Variants in CLVS1 observed in about 807,000 individuals in gnomAD.
The protein encoded by CLVS1 is clavesin 1.
Under a neutral mutation model 33.1 loss-of-function variants are expected in CLVS1, and 10 were observed. That is an observed-to-expected ratio of 0.30 (90% confidence interval 0.19 to 0.51). The LOEUF is 0.51. CLVS1 is among the 20% of genes least tolerant of loss of function. The probability of loss-of-function intolerance (pLI) is 0.97; values close to 1 mark genes in which losing one functional copy is unlikely to be tolerated. For missense variants in CLVS1, 343 were observed against 433.4 expected (o/e 0.79, Z 1.85); for synonymous variants, 163 against 166.1 (o/e 0.98, Z 0.14).
At chr8:61,048,356 C>A in the CLVS1 span, among the ~76,000 whole-genome samples, 1 of 152,268 alleles carries the variant, frequency 6.6e-6, no homozygotes, top group East Asian at 1.9e-4. Context: ...CTTGTAAGCT[C>A]CTTAAGAATC....
intron 2 of CLVS1, among the ~76,000 whole-genome samples, chr8:61,333,622 G>A (rs867593363): frequency 1.3e-5 from 2 of 152,158 alleles, no homozygotes; most frequent in South Asian, 2.1e-4. Context: ...AGCAAGTAGA[G>A]GACAGGAAAT....
At chr8:61,142,466 A>G (rs892441085) in intron 2 of CLVS1, among the ~76,000 whole-genome samples, 18 of 152,216 alleles carry the variant, frequency 1.2e-4, no homozygotes, top group Non-Finnish European at 5.9e-5. Flanking sequence ...TGGCCTTGCC[A>G]TGAGTAAGTG....
chr8:60,967,462 A>G, the CLVS1 span: 12 of 333,478 alleles, frequency 3.6e-5, no homozygotes, highest in Admixed American at 2.1e-4. Context: ...CGGAAGCCGC[A>G]TAGAGACATA....
intron 5 of CLVS1, among the ~76,000 whole-genome samples, chr8:61,466,000 T>G (rs1290456031): frequency 2.0e-5 from 3 of 152,194 alleles, no homozygotes; most frequent in African/African-American, 7.2e-5. Context: ...GAAGTCCACT[T>G]CTTTGCTCCC....
chr8:61,155,654 C>T (rs1051764583), intron 2 of CLVS1, among the ~76,000 whole-genome samples: 8 of 152,022 alleles, frequency 5.3e-5, no homozygotes, highest in African/African-American at 1.5e-4. Context: ...CCTATTTAGA[C>T]GGGCTGCAAA....
intron 2 of CLVS1, among the ~76,000 whole-genome samples, chr8:61,205,414 G>A (rs6471941): frequency 0.24 from 36,385 of 152,092 alleles, 5,223 homozygotes; most frequent in East Asian, 0.69. Flanking sequence ...TTCAGTGTTC[G>A]TGAATGTTGC....
chr8:61,251,179 G>T (rs939245782), intron 2 of CLVS1, among the ~76,000 whole-genome samples: 2 of 152,060 alleles, frequency 1.3e-5, no homozygotes, highest in African/African-American at 4.8e-5. Context: ...TAATCATGTG[G>T]TTTTTGTCAT....
intron 2 of CLVS1, among the ~76,000 whole-genome samples, chr8:61,186,619 G>A (rs1807349452): frequency 6.6e-6 from 1 of 152,046 alleles, no homozygotes; most frequent in Non-Finnish European, 1.5e-5. Flanking sequence ...TGAAGAATGG[G>A]CACTATAACT....
the CLVS1 span, among the ~76,000 whole-genome samples, chr8:61,051,636 G>C: frequency 1.3e-5 from 2 of 152,280 alleles, no homozygotes; most frequent in Non-Finnish European, 2.9e-5. Flanking sequence ...GCTCATGCCA[G>C]CCCTGTCTGG....
At chr8:61,012,403 A>G in the CLVS1 span, among the ~76,000 whole-genome samples, 4 of 152,210 alleles carry the variant, frequency 2.6e-5, no homozygotes, top group African/African-American at 4.8e-5. Context: ...TCCCAATGCT[A>G]TAGTGTAGCA....
intron 2 of CLVS1, among the ~76,000 whole-genome samples, chr8:61,212,781 C>T (rs1402320219): frequency 6.6e-6 from 1 of 152,162 alleles, no homozygotes; most frequent in Non-Finnish European, 1.5e-5. Flanking sequence ...AGCCGGGCTG[C>T]TGCCAGCAGG....
intron 2 of CLVS1, among the ~76,000 whole-genome samples, chr8:61,223,724 T>A (rs1385595651): frequency 6.6e-6 from 1 of 152,242 alleles, no homozygotes; most frequent in South Asian, 2.1e-4. Context: ...CATGTTGGCC[T>A]GTCTTGCTAA....
intron 1 of CLVS1, among the ~76,000 whole-genome samples, chr8:61,098,360 G>A (rs899182144): frequency 1.3e-5 from 2 of 150,956 alleles, no homozygotes; most frequent in Non-Finnish European, 2.9e-5. Flanking sequence ...GTTTATTTAG[G>A]GGAACCATGA....
chr8:61,350,488 A>G (rs1166431586), intron 2 of CLVS1, among the ~76,000 whole-genome samples: 2 of 152,158 alleles, frequency 1.3e-5, no homozygotes, highest in Non-Finnish European at 2.9e-5. Context: ...AGAGGGAACC[A>G]TTTCAATAAA....
chr8:61,307,741 T>C (rs988542279), intron 2 of CLVS1, among the ~76,000 whole-genome samples: 1 of 152,160 alleles, frequency 6.6e-6, no homozygotes, highest in Non-Finnish European at 1.5e-5. Flanking sequence ...GTTACATGGT[T>C]ATATTGTTTA....
intron 2 of CLVS1, among the ~76,000 whole-genome samples, chr8:61,316,722 C>G (rs1477078696): frequency 1.3e-5 from 2 of 152,166 alleles, no homozygotes; most frequent in Non-Finnish European, 2.9e-5. Flanking sequence ...ATTGAGCATC[C>G]ACTGTGTATA....
chr8:60,972,415 A>G, the CLVS1 span, among the ~76,000 whole-genome samples: 9 of 152,184 alleles, frequency 5.9e-5, no homozygotes, highest in South Asian at 2.1e-4. Context: ...AAAACTTAAA[A>G]TTAATAAGTT....
intron 1 of CLVS1, among the ~76,000 whole-genome samples, chr8:61,120,506 A>G (rs1297297113): frequency 9.6e-6 from 1 of 103,644 alleles, no homozygotes; most frequent in Non-Finnish European, 1.8e-5. Context: ...TTGTGGTTTT[A>G]TCTACTTTTG....
At chr8:61,053,848 G>T (rs1043781452), upstream of CLVS1, among the ~76,000 whole-genome samples, 2 of 152,196 alleles carry the variant, frequency 1.3e-5, no homozygotes, top group Admixed American at 1.3e-4. Flanking sequence ...TTGGCCACTA[G>T]CAGACATCCT....
Sources: allele counts gnomAD v4.1 joint callset (sites outside exome capture counted in the v4.1 genomes callset), GRCh38; gene constraint gnomAD v4.1.1; transcripts MANE v1.5; gene names NCBI Gene and HGNC (gene_info 2026-07-23, HGNC 2026-07-21).